The following ARHGEF9 variants were observed in gnomAD, a reference collection of about 807,000 sequenced individuals.
ARHGEF9 encodes the protein rho guanine nucleotide exchange factor 9.
ARHGEF9 carries 2 observed loss-of-function variants against 41.3 expected under a neutral mutation model. That is an observed-to-expected ratio of 0.05 (90% CI 0.02 to 0.15). ARHGEF9 has a LOEUF of 0.15. Ranked by LOEUF, ARHGEF9 falls within the 10% of genes least tolerant of loss-of-function variation. The pLI is 1.00. For missense variants in ARHGEF9, 225 were observed against 424.7 expected (o/e 0.53, Z 4.13); for synonymous variants, 160 against 154.4 (o/e 1.04, Z -0.27).
intron 1 of ARHGEF9, among the ~76,000 whole-genome samples, chrX:63,783,508 G>A (rs782460772): frequency 1.8e-5 from 2 of 111,423 alleles, no homozygotes; most frequent in South Asian, 3.8e-4. Flanking sequence ...CACCCGCCTC[G>A]GCCTCCCAAA....
intron 1 of ARHGEF9, among the ~76,000 whole-genome samples, chrX:63,782,525 A>G (rs782680313): frequency 8.9e-6 from 1 of 112,582 alleles, no homozygotes; most frequent in South Asian, 3.7e-4. Context: ...TGTATCTATG[A>G]GACAGATTTT....
In ARHGEF9 at chrX:63,641,356, GA is replaced by G. The variant is rs782439203; in HGVS notation, c.1390+2623del. The G allele has an allele frequency of 4.3e-3, 330 of 76,621 alleles. 1 individual carries two copies. The highest frequency in any genetic ancestry group is 7.5e-3 in the Admixed American group (49 of 6,534). The allele number at this position is 76,621 out of a possible 1,213,427, so 6.3% of individuals were successfully genotyped here. On this transcript the variant is annotated intron_variant, in intron 9 of 9. Transcript: ENST00000671741. ...GATGAGAGTGAAACTCCATCTCAGG[GA>G]AAAAAAAAAAAAAAAAGAAAGAAAG... is the stretch of plus-strand genomic sequence containing the variant.
rs185301927 is a variant in ARHGEF9 at position 63,777,685 on chromosome X, G to A, written c.30+7431C>T. Reference sequence around the variant, plus strand: ...AGATACAAAGACATTGGGTAAATAAGCCTATTCCAAATGGGATAAATTGGC... The same window carrying A: ...AGATACAAAGACATTGGGTAAATAAACCTATTCCAAATGGGATAAATTGGC... On this transcript the variant is annotated intron_variant, in intron 1 of 9. Transcript: ENST00000671741. Among the ~76,000 whole-genome samples the A allele has an allele frequency of 1.2e-3, 132 of 112,636 alleles. 1 individual carries two copies. The highest frequency in any genetic ancestry group is 9.1e-3 in the Middle Eastern group (2 of 219).
intron 1 of ARHGEF9, among the ~76,000 whole-genome samples, chrX:63,776,415 C>A (rs2056294439): frequency 8.9e-6 from 1 of 111,978 alleles, no homozygotes; most frequent in Non-Finnish European, 1.9e-5. Flanking sequence ...TGGCTGTGTT[C>A]CAATGAAGGT....
At chrX:63,733,143 A>T (rs1333557645) in intron 1 of ARHGEF9, among the ~76,000 whole-genome samples, 1 of 112,639 alleles carries the variant, frequency 8.9e-6, no homozygotes, top group Non-Finnish European at 1.9e-5. Flanking sequence ...AACAATGTGT[A>T]TACTCCACTT....
intron 1 of ARHGEF9, among the ~76,000 whole-genome samples, chrX:63,761,579 C>G (rs1172371030): frequency 9.0e-6 from 1 of 111,590 alleles, no homozygotes; most frequent in Admixed American, 9.5e-5. Flanking sequence ...CTTCACCCTT[C>G]TCCCACCCCA....
intron 8 of ARHGEF9, among the ~76,000 whole-genome samples, chrX:63,651,591 C>T (rs1602233129): frequency 9.0e-6 from 1 of 110,997 alleles, no homozygotes; most frequent in African/African-American, 3.3e-5. Context: ...GATTACTGTT[C>T]TAAAAATAAA....
chrX:63,660,130 C>T (rs1357706020), intron 7 of ARHGEF9, among the ~76,000 whole-genome samples: 11 of 111,704 alleles, frequency 9.8e-5, no homozygotes, highest in Non-Finnish European at 1.9e-4. Flanking sequence ...AGCAAATACA[C>T]GGAGTCAGCC....
chrX:63,735,588 C>A (rs782325144), intron 1 of ARHGEF9, among the ~76,000 whole-genome samples: 8 of 111,697 alleles, frequency 7.2e-5, no homozygotes, highest in Non-Finnish European at 1.5e-4. Context: ...GTCCTAACGT[C>A]GTTAAATGTG....
chrX:63,770,912 C>A (rs782164994), intron 1 of ARHGEF9, among the ~76,000 whole-genome samples: 1 of 112,616 alleles, frequency 8.9e-6, no homozygotes, highest in East Asian at 2.8e-4. Flanking sequence ...AATTAAACCT[C>A]TTTCTTTTGC....
chrX:63,731,312 T>G (rs193188043), intron 1 of ARHGEF9, among the ~76,000 whole-genome samples: 54 of 111,879 alleles, frequency 4.8e-4, no homozygotes, highest in Middle Eastern at 4.6e-3. Context: ...AGCTGAGATT[T>G]TATGCTCTCT....
intron 1 of ARHGEF9, among the ~76,000 whole-genome samples, chrX:63,772,936 A>G (rs2056229050): frequency 9.0e-6 from 1 of 110,970 alleles, no homozygotes. Flanking sequence ...CCTTTTTTTA[A>G]TTGTAATCCA....
At chrX:63,760,821 C>A (rs1201913517) in intron 1 of ARHGEF9, among the ~76,000 whole-genome samples, 1 of 111,305 alleles carries the variant, frequency 9.0e-6, no homozygotes, top group African/African-American at 3.3e-5. Context: ...AAATTGTTAT[C>A]ATTATTTTAA....
At chrX:63,660,048 C>G (rs185068003) in intron 7 of ARHGEF9, among the ~76,000 whole-genome samples, 1 of 111,712 alleles carries the variant, frequency 9.0e-6, no homozygotes, top group East Asian at 2.8e-4. Context: ...CGGGTATGTA[C>G]CCAAAGGAAT....
chrX:63,656,398 T>C (rs2048879375), intron 7 of ARHGEF9: 1 of 112,546 alleles, frequency 8.9e-6, no homozygotes, highest in South Asian at 3.7e-4. Context: ...TTTGTTATTG[T>C]TGTTTTGCTC....
At chrX:63,728,504 A>G (rs1743701613) in intron 1 of ARHGEF9, among the ~76,000 whole-genome samples, 1 of 112,575 alleles carries the variant, frequency 8.9e-6, no homozygotes, top group African/African-American at 3.2e-5. Flanking sequence ...AGCAATGACA[A>G]TAGGAGGTGA....
chrX:63,688,540 A>T (rs190054334), intron 4 of ARHGEF9, among the ~76,000 whole-genome samples: 1 of 112,780 alleles, frequency 8.9e-6, no homozygotes, highest in African/African-American at 3.2e-5. Flanking sequence ...ACTGAAAAAA[A>T]TCTATCAAAA....
At chrX:63,708,446 G>T (rs1278875447) in intron 2 of ARHGEF9, among the ~76,000 whole-genome samples, 1 of 112,427 alleles carries the variant, frequency 8.9e-6, no homozygotes, top group Non-Finnish European at 1.9e-5. Context: ...GGAAGCAGAT[G>T]TAAAGGCAGA....
At chrX:63,728,871 C>T (rs1285006921) in intron 1 of ARHGEF9, among the ~76,000 whole-genome samples, 1 of 111,104 alleles carries the variant, frequency 9.0e-6, no homozygotes, top group African/African-American at 3.3e-5. Context: ...AAGGGAGGGG[C>T]ATTTGAAGCA....
Sources: gnomAD v4.1 joint callset for allele counts (sites outside exome capture counted in the v4.1 genomes callset) on GRCh38, gnomAD v4.1.1 for gene constraint, MANE v1.5 for transcripts, NCBI Gene and HGNC (gene_info 2026-07-23, HGNC 2026-07-21) for gene names.